The following OTOGL variants were observed in gnomAD, a reference collection of about 807,000 sequenced individuals.
The protein encoded by OTOGL is otogelin-like protein.
Under a neutral mutation model 318.5 loss-of-function variants are expected in OTOGL, and 285 were observed. The ratio of observed to expected loss-of-function variants is 0.89; its 90% CI spans 0.81 to 0.99. The LOEUF (loss-of-function observed/expected upper bound fraction) is 0.99. OTOGL is among the 50% of genes least tolerant of loss of function. The pLI, the probability that OTOGL is intolerant of heterozygous loss-of-function variation, is 0.00. For synonymous variants in OTOGL, 987 were observed against 936.5 expected (o/e 1.05, Z -0.99); for missense variants, 2,899 against 2,845.6 (o/e 1.02, Z -0.43).
chr12:80,286,026 A>G (rs1884595405), intron 26 of OTOGL, among the ~76,000 whole-genome samples: 1 of 152,150 alleles, frequency 6.6e-6, no homozygotes, highest in African/African-American at 2.4e-5. Flanking sequence ...AATAGCATTT[A>G]TTATTTTAAC....
At chr12:80,130,444 C>T (rs1416658667) in intron 1 of OTOGL, among the ~76,000 whole-genome samples, 1 of 152,074 alleles carries the variant, frequency 6.6e-6, no homozygotes, top group African/African-American at 2.4e-5. Context: ...GGAATGGAGC[C>T]AATGAAAGAA....
intron 34 of OTOGL, among the ~76,000 whole-genome samples, chr12:80,321,589 AT>A (rs1055962813): frequency 2.0e-5 from 3 of 151,490 alleles, no homozygotes; most frequent in African/African-American, 7.3e-5. Context: ...AAATAAAAAA[AT>A]AAAAAATAAA....
chr12:80,172,694 C>A (rs2137220961), intron 1 of OTOGL, among the ~76,000 whole-genome samples: 1 of 152,060 alleles, frequency 6.6e-6, no homozygotes, highest in Non-Finnish European at 1.5e-5. Context: ...CCATGGAATA[C>A]TTTGCAGCCA....
In OTOGL at chr12:80,265,055, A is replaced by G. The variant is rs1338977362; in HGVS notation, c.2069A>G (p.His690Arg). The change falls in exon 20 of 59, where the codon CAC becomes CGC. Residue 690 changes from histidine (H) to arginine (R), a missense_variant. Transcript: ENST00000547103. The stretch of plus-strand genomic sequence containing the variant: ...CACCAGGAGCTCTTTGCTCCTTGCC[A>G]CATCTATATTAGCCCTGGGCTGTAC... ...VIHQELFAPC[H>R]IYISPGLYYQ... The G allele has an allele frequency of 6.2e-7, 1 of 1,613,894 alleles. No homozygotes were observed. Among genetic ancestry groups the G allele is most frequent in the Admixed American group, 1.7e-5 (1 of 59,972 alleles).
At chr12:80,337,820 T>C (rs1247946293) in intron 42 of OTOGL, among the ~76,000 whole-genome samples, 1 of 152,106 alleles carries the variant, frequency 6.6e-6, no homozygotes, top group Non-Finnish European at 1.5e-5. Context: ...TAAGAAGATA[T>C]TTAAAAGGTT....
At chr12:80,157,447 C>T (rs1232484592) in intron 1 of OTOGL, among the ~76,000 whole-genome samples, 1 of 151,976 alleles carries the variant, frequency 6.6e-6, no homozygotes, top group Non-Finnish European at 1.5e-5. Flanking sequence ...CCCATTTGTC[C>T]ACTTTTGCTT....
chr12:80,202,395 C>CG (rs1565897887), intron 1 of OTOGL, among the ~76,000 whole-genome samples: 1 of 151,736 alleles, frequency 6.6e-6, no homozygotes, highest in East Asian at 1.9e-4. Context: ...CTCAGCCTCC[C>CG]GAGTAGCTGG....
intron 37 of OTOGL, among the ~76,000 whole-genome samples, chr12:80,331,666 C>T (rs886937022): frequency 6.6e-6 from 1 of 152,100 alleles, no homozygotes; most frequent in Non-Finnish European, 1.5e-5. Flanking sequence ...TTTAAAATGT[C>T]GTTGTGGTAT....
At chr12:80,196,795 G>A (rs1201780097) in intron 1 of OTOGL, among the ~76,000 whole-genome samples, 1 of 152,184 alleles carries the variant, frequency 6.6e-6, no homozygotes, top group Non-Finnish European at 1.5e-5. Flanking sequence ...CTCTATATCA[G>A]CTCTTACTGG....
chr12:80,370,419 A>G, intron 55 of OTOGL, 151 bp from the exon 56 acceptor site: 1 of 484,262 alleles, frequency 2.1e-6, no homozygotes, highest in Non-Finnish European at 3.3e-6. Context: ...ATCATTTTAG[A>G]TAAACTTAGG....
chr12:80,351,799 A>G (rs1461460271), intron 44 of OTOGL, among the ~76,000 whole-genome samples: 1 of 152,198 alleles, frequency 6.6e-6, no homozygotes. Context: ...AACATATTCT[A>G]TAGGAAAAAA....
intron 52 of OTOGL, among the ~76,000 whole-genome samples, chr12:80,364,733 G>A (rs1456779306): frequency 1.3e-5 from 2 of 152,042 alleles, no homozygotes; most frequent in African/African-American, 2.4e-5. Flanking sequence ...CCGTGTTGCT[G>A]CATGTGTCAC....
chr12:80,370,374 G>T (rs1255349601), intron 55 of OTOGL, among the ~76,000 whole-genome samples, 196 bp from the exon 56 acceptor site: 2 of 151,246 alleles, frequency 1.3e-5, no homozygotes, highest in African/African-American at 2.4e-5. Context: ...TATCATTTTA[G>T]ATAAGTATAC....
chr12:80,128,160 T>A (rs11114327), intron 1 of OTOGL, among the ~76,000 whole-genome samples: 4,693 of 152,276 alleles, frequency 0.031, 108 homozygotes, highest in East Asian at 0.076. Context: ...TTTTTCCCCA[T>A]CTTTGTGGTT....
chr12:80,107,970 C>G (rs10778703), intron 1 of OTOGL, among the ~76,000 whole-genome samples: 97,543 of 151,854 alleles, frequency 0.64, 32,114 homozygotes, highest in African/African-American at 0.78. Flanking sequence ...GGAGGAGGGA[C>G]AGGATCAAAA....
At chr12:80,141,503 T>A (rs769220495) in intron 1 of OTOGL, among the ~76,000 whole-genome samples, 1 of 152,164 alleles carries the variant, frequency 6.6e-6, no homozygotes, top group Non-Finnish European at 1.5e-5. Flanking sequence ...TGAGCACTTA[T>A]CGTTCAGCAC....
At chr12:80,300,445 C>G (rs1350422100) in intron 27 of OTOGL, among the ~76,000 whole-genome samples, 1 of 151,988 alleles carries the variant, frequency 6.6e-6, no homozygotes, top group African/African-American at 2.4e-5. Flanking sequence ...GGAGATTGGG[C>G]GGACAGCAGG....
chr12:80,112,801 T>C (rs995783072), intron 1 of OTOGL, among the ~76,000 whole-genome samples: 4 of 152,006 alleles, frequency 2.6e-5, no homozygotes, highest in Non-Finnish European at 5.9e-5. Context: ...CCTCTTTTTC[T>C]ATTGTTTGGA....
intron 1 of OTOGL, among the ~76,000 whole-genome samples, chr12:80,108,117 G>C (rs866670512): frequency 4.6e-5 from 7 of 152,104 alleles, no homozygotes; most frequent in Non-Finnish European, 8.8e-5. Context: ...AAAGAAATAA[G>C]ACTTTTGTAA....
Sources: gnomAD v4.1 joint callset for allele counts (sites outside exome capture counted in the v4.1 genomes callset) on GRCh38, gnomAD v4.1.1 for gene constraint, MANE v1.5 for transcripts, NCBI Gene and HGNC (gene_info 2026-07-23, HGNC 2026-07-21) for gene names.